ATP13A4: variants seen among roughly 807,000 people sequenced by gnomAD.
The protein encoded by ATP13A4 is ATPase 13A4, also known as probable cation-transporting ATPase 13A4.
In ATP13A4, 114 loss-of-function variants were observed where a neutral mutation model predicts 142.5. That is an observed-to-expected ratio of 0.80 (90% confidence interval 0.69 to 0.93). The LOEUF (loss-of-function observed/expected upper bound fraction) is 0.93, where lower values mean the gene tolerates loss of function less well. Ranked by LOEUF, ATP13A4 falls within the 40% of genes least tolerant of loss-of-function variation. The pLI, the probability that ATP13A4 is intolerant of heterozygous loss-of-function variation, is 0.00. For missense variants in ATP13A4, 1,392 were observed against 1,454.0 expected (o/e 0.96, Z 0.69); for synonymous variants, 488 against 514.8 (o/e 0.95, Z 0.70).
chr3:193,435,268 T>G (rs527933862), intron 24 of ATP13A4, among the ~76,000 whole-genome samples: 1 of 150,392 alleles, frequency 6.6e-6, no homozygotes, highest in East Asian at 2.0e-4. Flanking sequence ...TTTTTTTTCA[T>G]GCTAAATGAA....
At chr3:193,437,028 C>T (rs1186633386) in intron 23 of ATP13A4, among the ~76,000 whole-genome samples, 5 of 136,292 alleles carry the variant, frequency 3.7e-5, no homozygotes, top group Admixed American at 7.3e-5. Flanking sequence ...GGCGTGAACC[C>T]GGGAGGCGGA....
chr3:193,435,831 G>T, intron 23 of ATP13A4, 87 bp from the exon 24 acceptor site: 2 of 1,219,672 alleles, frequency 1.6e-6, no homozygotes, highest in Non-Finnish European at 2.4e-6. Flanking sequence ...AAGCTCAGGA[G>T]AAAAAAAATC....
Position 193,526,576 on chromosome 3 carries a change from A to T in ATP13A4, c.61-11705T>A, listed in dbSNP as rs143079671. ...TATGGCACACGTATATCTACATAAG[A>T]AACCTGCATGTTCTTCACATGTATC... On this transcript the variant is annotated intron_variant, in intron 1 of 29. Transcript: ENST00000342695. Among the ~76,000 whole-genome samples the T allele has an allele frequency of 5.3e-3, 806 of 152,314 alleles. 2 individuals carry two copies. Among genetic ancestry groups the T allele is most frequent in the Non-Finnish European group, 9.2e-3 (626 of 68,036 alleles).
chr3:193,452,761 T>C (rs1226955457), intron 17 of ATP13A4, among the ~76,000 whole-genome samples: 1 of 143,094 alleles, frequency 7.0e-6, no homozygotes, highest in African/African-American at 2.6e-5. Flanking sequence ...TTACTATTAT[T>C]ATAGAATATA....
rs115621431 is a variant in ATP13A4 at position 193,433,045 on chromosome 3, T to C, written c.2842+800A>G. ...GAGTTTTGCCAAACTCTTGTGTCCA[T>C]AATCAACCTATGATTGCAATTGATG... On this transcript the variant is annotated intron_variant, in intron 25 of 29. Coordinates refer to ENST00000342695, the MANE Select transcript of ATP13A4 (RefSeq NM_032279.4). 6.7e-3 allele frequency among the ~76,000 whole-genome samples: 1,020 copies of C among 152,332 alleles called. 16 individuals are homozygous for C. The highest frequency in any genetic ancestry group is 0.023 in the African/African-American group (977 of 41,592).
At chr3:193,536,599 C>T (rs1577061376) in intron 1 of ATP13A4, among the ~76,000 whole-genome samples, 1 of 151,992 alleles carries the variant, frequency 6.6e-6, no homozygotes, top group Admixed American at 6.6e-5. Flanking sequence ...AGAATGTTCA[C>T]TCTCACCACT....
intron 1 of ATP13A4, among the ~76,000 whole-genome samples, chr3:193,546,081 T>C (rs1427261108): frequency 6.6e-6 from 1 of 151,804 alleles, no homozygotes; most frequent in Non-Finnish European, 1.5e-5. Context: ...TCCAGTAAGG[T>C]ATTATTATTG....
At chr3:193,490,688 T>A (rs1347395045) in intron 6 of ATP13A4, among the ~76,000 whole-genome samples, 2 of 152,178 alleles carry the variant, frequency 1.3e-5, no homozygotes, top group African/African-American at 2.4e-5. Context: ...ACATTCCCTA[T>A]TGGTTTGTTT....
intron 1 of ATP13A4, among the ~76,000 whole-genome samples, chr3:193,582,674 CATATATATTATAT>C (rs1560290948): frequency 3.9e-4 from 25 of 64,236 alleles, no homozygotes; most frequent in African/African-American, 6.5e-4. Context: ...ATGTATATTA[CATATATATTATAT>C]ATGTGTATAA....
intron 25 of ATP13A4, among the ~76,000 whole-genome samples, chr3:193,417,758 G>A (rs1359571685): frequency 7.3e-6 from 1 of 137,852 alleles, no homozygotes; most frequent in African/African-American, 2.7e-5. Context: ...GGCCGAGGCA[G>A]GTGGATCACG....
rs954853202 is a variant in ATP13A4, at chr3:193,521,602, T to C, written c.61-6731A>G. On this transcript the variant is annotated intron_variant, in intron 1 of 29. Coordinates refer to ENST00000342695, the MANE Select transcript of ATP13A4 (RefSeq NM_032279.4). ...TCTAGTTTGTGTACGCTACTCTAGA[T>C]ACGGCTTTTGAAAATCAACTTTGCT... 2.0e-5 allele frequency among the ~76,000 whole-genome samples: 3 copies of C among 152,190 alleles called. No individual in the cohort carries two copies. In the South Asian group the frequency reaches 6.2e-4, roughly 31 times the overall value.
At chr3:193,582,568 C>CAT (rs1229846187) in intron 1 of ATP13A4, among the ~76,000 whole-genome samples, 1 of 129,406 alleles carries the variant, frequency 7.7e-6, no homozygotes, top group Non-Finnish European at 1.6e-5. Flanking sequence ...ATATATAATA[C>CAT]ATATAATATA....
chr3:193,524,951 T>G (rs78732500), intron 1 of ATP13A4, among the ~76,000 whole-genome samples: 3,659 of 152,234 alleles, frequency 0.024, 142 homozygotes, highest in African/African-American at 0.082. Context: ...CTATTTTAGG[T>G]CTCTATGAGC....
intron 3 of ATP13A4, 123 bp downstream of exon 3, chr3:193,502,370 C>T (rs983576422): frequency 8.1e-7 from 1 of 1,233,592 alleles, no homozygotes; most frequent in African/African-American, 1.5e-5. Context: ...CTCCAAAGTT[C>T]ACATTTTAAA....
intron 1 of ATP13A4, among the ~76,000 whole-genome samples, chr3:193,521,822 A>T (rs185600748): frequency 6.6e-6 from 1 of 152,280 alleles, no homozygotes; most frequent in Non-Finnish European, 1.5e-5. Flanking sequence ...AATCCCAGCC[A>T]CTTGGGAGGC....
intron 1 of ATP13A4, among the ~76,000 whole-genome samples, chr3:193,549,258 C>T (rs1276257638): frequency 6.6e-6 from 1 of 151,208 alleles, no homozygotes; most frequent in Admixed American, 6.6e-5. Context: ...AGGAAATAAT[C>T]TGAAAAATAA....
chr3:193,569,078 G>T (rs1724202340), intron 2 of ATP13A4, among the ~76,000 whole-genome samples: 1 of 152,204 alleles, frequency 6.6e-6, no homozygotes, highest in Non-Finnish European at 1.5e-5. Context: ...GCTTTACAGT[G>T]GAGAGATTTG....
intron 6 of ATP13A4, among the ~76,000 whole-genome samples, chr3:193,490,811 A>C (rs1411420936): frequency 6.6e-6 from 1 of 152,182 alleles, no homozygotes; most frequent in African/African-American, 2.4e-5. Flanking sequence ...AAGCCAGAGG[A>C]CAGCTAGAGG....
rs3052495 is a variant in ATP13A4 at position 193,471,674 on chromosome 3, T to TCA, written c.809-683_809-682dup. ...AGCAAAATTGCTAGATATTGTCACTTCACACACACACACACACACAAACAC... is the reference window on the plus strand; with the variant it reads ...AGCAAAATTGCTAGATATTGTCACTTCACACACACACACACACACACAAACAC... On this transcript the variant is annotated intron_variant, in intron 8 of 29. Coordinates refer to ENST00000342695, the MANE Select transcript of ATP13A4 (RefSeq NM_032279.4). 9.2e-3 allele frequency among the ~76,000 whole-genome samples: 1,388 copies of TCA among 150,478 alleles called. 15 individuals carry two copies. The highest frequency in any genetic ancestry group is 0.026 in the African/African-American group (1,052 of 41,116).
Sources: allele counts gnomAD v4.1 joint callset (sites outside exome capture counted in the v4.1 genomes callset), GRCh38; gene constraint gnomAD v4.1.1; transcripts MANE v1.5; gene names NCBI Gene and HGNC (gene_info 2026-07-23, HGNC 2026-07-21).